Variants in TANC2 observed in about 807,000 individuals in gnomAD.
The protein encoded by TANC2 is tetratricopeptide repeat, ankyrin repeat and coiled-coil containing 2, also known as protein TANC2.
A neutral mutation model predicts 210.5 loss-of-function variants in TANC2; 26 were observed. The observed-to-expected ratio is 0.12, with a 90% CI of 0.09 to 0.17. The LOEUF is 0.17. Ranked by LOEUF, TANC2 falls within the 10% of genes least tolerant of loss-of-function variation. The probability of loss-of-function intolerance (pLI) is 1.00; values close to 1 mark genes in which losing one functional copy is unlikely to be tolerated. For missense variants in TANC2, 2,129 were observed against 2,608.9 expected (o/e 0.82, Z 4.01); for synonymous variants, 931 against 967.1 (o/e 0.96, Z 0.69).
intron 7 of TANC2, among the ~76,000 whole-genome samples, chr17:63,232,886 C>T (rs544570712): frequency 2.1e-4 from 32 of 152,358 alleles, no homozygotes; most frequent in Middle Eastern, 3.4e-3. Flanking sequence ...ACCGAGACTG[C>T]GGCTGCAACT....
intron 3 of TANC2, among the ~76,000 whole-genome samples, chr17:63,076,455 A>G (rs2036574654): frequency 6.6e-6 from 1 of 152,222 alleles, no homozygotes; most frequent in African/African-American, 2.4e-5. Context: ...AGATAAAAGA[A>G]GAAAGAGGAA....
chr17:63,280,981 T>A (rs1019844665), intron 9 of TANC2, among the ~76,000 whole-genome samples: 1 of 152,140 alleles, frequency 6.6e-6, no homozygotes, highest in African/African-American at 2.4e-5. Context: ...AAAGCCATAA[T>A]AAAAACATGT....
At chr17:63,267,952 T>G in intron 9 of TANC2, 79 bp downstream of exon 9, 1 of 1,490,962 alleles carries the variant, frequency 6.7e-7, no homozygotes, top group Non-Finnish European at 9.0e-7. Context: ...CTTTGTCTCC[T>G]ATTCCCATAC....
intron 5 of TANC2, among the ~76,000 whole-genome samples, chr17:63,169,982 G>A (rs553593372): frequency 4.7e-4 from 70 of 149,950 alleles, no homozygotes; most frequent in African/African-American, 1.5e-3. Context: ...AGCCAGGCGC[G>A]GTGGCAGGTG....
chr17:63,332,247 C>CT (rs929508496), intron 11 of TANC2: 9 of 331,148 alleles, frequency 2.7e-5, no homozygotes, highest in Non-Finnish European at 4.1e-5. Flanking sequence ...GTACAGTCTC[C>CT]TTTTTTGGTT....
At chr17:62,979,174 A>G (rs567083448) in intron 1 of TANC2, among the ~76,000 whole-genome samples, 66 of 152,198 alleles carry the variant, frequency 4.3e-4, no homozygotes, top group African/African-American at 1.5e-3. Context: ...CAGTTTTACC[A>G]TCCTTATATG....
intron 9 of TANC2, among the ~76,000 whole-genome samples, chr17:63,278,478 A>G (rs2043960773): frequency 6.6e-6 from 1 of 152,102 alleles, no homozygotes; most frequent in Non-Finnish European, 1.5e-5. Context: ...AGAAAGAATA[A>G]CAAGTGTTGG....
chr17:63,028,391 T>C (rs1380768069), intron 2 of TANC2, among the ~76,000 whole-genome samples: 1 of 152,120 alleles, frequency 6.6e-6, no homozygotes, highest in African/African-American at 2.4e-5. Context: ...GATTTTTACA[T>C]GTATGCCTCC....
intron 5 of TANC2, among the ~76,000 whole-genome samples, chr17:63,178,342 C>A (rs2319663): frequency 0.6 from 89,546 of 150,396 alleles, 29,117 homozygotes; most frequent in African/African-American, 0.86. Flanking sequence ...CAAAAAAAAA[C>A]ACAAAAAACT....
intron 2 of TANC2, among the ~76,000 whole-genome samples, chr17:63,041,151 T>G (rs896614746): frequency 3.3e-5 from 5 of 152,078 alleles, no homozygotes; most frequent in Admixed American, 6.6e-5. Context: ...AAACTCCTTT[T>G]TTATAGCCAA....
intron 18 of TANC2, among the ~76,000 whole-genome samples, chr17:63,398,592 T>C (rs904830430): frequency 6.6e-6 from 1 of 152,202 alleles, no homozygotes; most frequent in Non-Finnish European, 1.5e-5. Context: ...AATCACATGC[T>C]ATATAAGTGA....
chr17:63,376,293 AT>A (rs2047422554), intron 14 of TANC2, among the ~76,000 whole-genome samples: 1 of 151,570 alleles, frequency 6.6e-6, no homozygotes, highest in Non-Finnish European at 1.5e-5. Flanking sequence ...AAAAAAAAAA[AT>A]TAGCCGGGCA....
intron 4 of TANC2, among the ~76,000 whole-genome samples, chr17:63,131,876 G>T (rs1056444549): frequency 6.6e-6 from 1 of 152,126 alleles, no homozygotes; most frequent in Non-Finnish European, 1.5e-5. Context: ...GCTATTGAAT[G>T]CAGGAGCAGA....
At position 63,421,730 on chromosome 17, in the gene TANC2, G is replaced by T; in HGVS notation, c.6000G>T (p.Glu2000Asp). ...ATGCACAGAATGGCCATTTGCTGGAGGACGATTATTACAGCCCCCATGGGA... is the reference window on the plus strand; with the variant it reads ...ATGCACAGAATGGCCATTTGCTGGATGACGATTATTACAGCCCCCATGGGA... Residue 2000 changes from glutamate to aspartate, a missense_variant, in exon 28 of 28, where the codon GAG (glutamate) becomes GAT (aspartate). By Grantham distance (45) the Glu-to-Asp change is conservative. This residue lies in a region of TANC2 where 161 missense variants were observed against 178.6 expected (regional missense o/e 0.90). Transcript: ENST00000689528. This position sits in a 1 kb window ranked among gnomAD's most constrained non-coding sequence, Gnocchi z 6.9. The T allele has an allele frequency of 3.1e-6, 5 of 1,614,036 alleles. No individual in the cohort carries two copies. The highest frequency in any genetic ancestry group is 4.2e-6 in the Non-Finnish European group (5 of 1,179,900).
At chr17:63,088,366 G>C (rs922739375) in intron 3 of TANC2, 1 of 152,080 alleles carries the variant, frequency 6.6e-6, no homozygotes, top group Non-Finnish European at 1.5e-5. Context: ...ATAGGCATAG[G>C]TTGAATAACT....
At chr17:63,183,934 G>A (rs1004819924) in intron 5 of TANC2, among the ~76,000 whole-genome samples, 2 of 151,958 alleles carry the variant, frequency 1.3e-5, no homozygotes, top group East Asian at 1.9e-4. Context: ...GGAGAATGGC[G>A]TGAACCCGGG....
At chr17:63,212,475 C>T (rs1385009254) in intron 7 of TANC2, among the ~76,000 whole-genome samples, 1 of 152,080 alleles carries the variant, frequency 6.6e-6, no homozygotes, top group Admixed American at 6.6e-5. Context: ...GGTGGAAAGA[C>T]AAGTGAGCCA....
intron 1 of TANC2, chr17:62,967,256 AT>A (rs2031401289): frequency 6.6e-6 from 1 of 152,186 alleles, no homozygotes; most frequent in Non-Finnish European, 1.5e-5. Flanking sequence ...ATTGCTAGAT[AT>A]TTTGCCATAG....
At chr17:63,057,151 CAG>C (rs1437500692) in intron 2 of TANC2, among the ~76,000 whole-genome samples, 1 of 151,950 alleles carries the variant, frequency 6.6e-6, no homozygotes, top group East Asian at 1.9e-4. Flanking sequence ...GATGTTAAAA[CAG>C]AGAATGCAAT....
Sources: allele counts gnomAD v4.1 joint callset (sites outside exome capture counted in the v4.1 genomes callset), GRCh38; gene constraint gnomAD v4.1.1; regional missense constraint gnomAD v4.1.1; non-coding constraint Gnocchi (gnomAD v3.1); transcripts MANE v1.5; gene names NCBI Gene and HGNC (gene_info 2026-07-23, HGNC 2026-07-21).